The following ITFG2 variants were observed in gnomAD, a reference collection of about 807,000 sequenced individuals.
ITFG2 encodes the protein KICSTOR complex protein ITFG2.
A neutral mutation model predicts 54.4 loss-of-function variants in ITFG2; 36 were observed. The observed-to-expected ratio is 0.66, with a 90% CI of 0.51 to 0.87. The LOEUF (loss-of-function observed/expected upper bound fraction) is 0.87, where lower values mean the gene tolerates loss of function less well. ITFG2 is among the 40% of genes least tolerant of loss of function. ITFG2 has a pLI of 0.00. For synonymous variants in ITFG2, 211 were observed against 225.4 expected, an observed-to-expected ratio of 0.94 and a Z score of 0.57; for missense variants, 524 against 576.7, an observed-to-expected ratio of 0.91 and a Z score of 0.94.
chr12:2,849,590 A>G, intron 2 of ITFG2: 2 of 1,515,806 alleles, frequency 1.3e-6, no homozygotes, highest in Middle Eastern at 3.9e-4. Flanking sequence ...CAGTGGAGAG[A>G]CGGGGAAGGG....
chr12:2,827,213 G>C, downstream of ITFG2: 1 of 1,614,116 alleles, frequency 6.2e-7, no homozygotes, highest in Admixed American at 1.7e-5. This position sits in a 1 kb window ranked among gnomAD's most constrained non-coding sequence, Gnocchi z 4.0. Flanking sequence ...GCAGTCACTG[G>C]CCAGGCTCTT....
At chr12:2,856,852 C>A (rs981579194) in intron 2 of ITFG2, 9 of 685,686 alleles carry the variant, frequency 1.3e-5, no homozygotes, top group Non-Finnish European at 2.4e-5. Flanking sequence ...ATGTATGGGC[C>A]AGGCAGTCTG....
chr12:2,833,198 AC>A (rs2098012104), upstream of ITFG2, among the ~76,000 whole-genome samples: 1 of 151,822 alleles, frequency 6.6e-6, no homozygotes, highest in Non-Finnish European at 1.5e-5. Flanking sequence ...GGGACCTGCC[AC>A]TCCGGGATGG....
At chr12:2,856,859 T>C (rs1019974501) in intron 2 of ITFG2, 2 of 689,014 alleles carry the variant, frequency 2.9e-6, no homozygotes, top group Non-Finnish European at 5.3e-6. Flanking sequence ...GGCCAGGCAG[T>C]CTGCTGCCCA....
chr12:2,827,951 A>G (rs771367947), downstream of ITFG2: 19 of 1,614,076 alleles, frequency 1.2e-5, no homozygotes, highest in East Asian at 3.1e-4. The surrounding 1 kb of genome is among the most constrained non-coding windows in gnomAD (Gnocchi z 4.0). Flanking sequence ...AGCACACCAC[A>G]GTCTCCTGCC....
intron 2 of ITFG2, among the ~76,000 whole-genome samples, chr12:2,848,281 A>T (rs1045145257): frequency 6.6e-6 from 1 of 152,034 alleles, no homozygotes; most frequent in African/African-American, 2.4e-5. Flanking sequence ...GGAGGAGGTG[A>T]GGTAGGGCCC....
chr12:2,854,894 A>T (rs1205469029), intron 2 of ITFG2: 5 of 1,532,736 alleles, frequency 3.3e-6, no homozygotes, highest in Non-Finnish European at 3.5e-6. Flanking sequence ...GCACCGTCTT[A>T]CTTCTTGAAG....
intron 2 of ITFG2, chr12:2,857,220 CT>C: frequency 1.7e-6 from 1 of 601,612 alleles, no homozygotes; most frequent in Non-Finnish European, 3.0e-6. Context: ...GGGGATAGCA[CT>C]TTCTTCAAGT....
At chr12:2,854,006 C>T (rs564832606) in intron 2 of ITFG2, among the ~76,000 whole-genome samples, 9 of 152,264 alleles carry the variant, frequency 5.9e-5, no homozygotes, top group Non-Finnish European at 8.8e-5. Context: ...ATTTCTGTAA[C>T]GACATCTAAC....
intron 10 of ITFG2, 145 bp downstream of exon 10, chr12:2,823,056 C>A (rs1004392187): frequency 3.0e-6 from 2 of 660,330 alleles, no homozygotes; most frequent in Admixed American, 2.6e-5. Context: ...TTCTTCAGCT[C>A]TTTTGTTTGG....
Position 2,823,802 on chromosome 12 carries a change from C to T in ITFG2, c.1099C>T (p.Pro367Ser), listed in dbSNP as rs774646498. ...CGCCTGCAAAGAGGGCCGCAACAGCCCCTGCCTCGTATATGTCACTTTCAA... is the reference window on the plus strand; with the variant it reads ...CGCCTGCAAAGAGGGCCGCAACAGCTCCTGCCTCGTATATGTCACTTTCAA... ...LYACKEGRNS[P>S]CLVYVTFNQK... Residue 367 changes from proline (P) to serine (S), a missense_variant, in exon 11 of 12, where the codon CCC becomes TCC. Physicochemically the swap from Pro to Ser is moderately conservative, Grantham distance 74 (BLOSUM62 -1). Transcript: ENST00000228799. 2.5e-6 allele frequency: 4 copies of T among 1,592,472 alleles called. No individual in the cohort carries two copies. The East Asian group carries it at 9.0e-5, about 36-fold the overall frequency.
At chr12:2,813,037 G>A (rs1489801108) in intron 1 of ITFG2, 181 bp downstream of exon 1, 3 of 515,252 alleles carry the variant, frequency 5.8e-6, no homozygotes, top group Non-Finnish European at 1.0e-5. Context: ...TTGTTCCTTG[G>A]GAGGTTTTGT....
Position 2,824,291 on chromosome 12 carries a change from A to T in ITFG2, c.*98A>T. On this transcript the variant is annotated 3_prime_UTR_variant, in exon 12 of 12. Coordinates refer to ENST00000228799, the MANE Select transcript of ITFG2 (RefSeq NM_018463.4). ...TGGCAGGATAGGGAATATGCATTAC[A>T]GAAATGCAGGATTTGACTCTGGGCA... The T allele has an allele frequency of 2.4e-6, 3 of 1,236,040 alleles. No homozygotes were observed. The highest frequency in any genetic ancestry group is 1.2e-5 in the South Asian group (1 of 81,314). The allele number at this position is 1,236,040 out of a possible 1,614,324, so 76.6% of individuals were successfully genotyped here. A position where few individuals can be genotyped will look rare whatever the true frequency, so the allele number is the denominator to read the frequency against.
At position 2,824,384 on chromosome 12, in the gene ITFG2, AGACAAGTTGACC is replaced by A. The variant is rs2097957184; in HGVS notation, c.*192_*203del. ...CTCGCAGTCTTTTCGGTGAAAGAAG[AGACAAGTTGACC>A]CTCTGCCCATTTCCTTATGGACCTC... is the stretch of plus-strand genomic sequence containing the variant. On this transcript the variant is annotated 3_prime_UTR_variant, in exon 12 of 12. Coordinates refer to ENST00000228799, the MANE Select transcript of ITFG2 (RefSeq NM_018463.4). The A allele has an allele frequency of 1.4e-6, 1 of 689,740 alleles. No homozygotes were observed. The highest frequency in any genetic ancestry group is 1.8e-5 in the African/African-American group (1 of 56,912). The allele number at this position is 689,740 out of a possible 1,614,324, so 42.7% of individuals were successfully genotyped here. A position where few individuals can be genotyped will look rare whatever the true frequency, so the allele number is the denominator to read the frequency against.
intron 2 of ITFG2, chr12:2,817,691 G>A: frequency 3.8e-6 from 2 of 520,766 alleles, no homozygotes; most frequent in South Asian, 3.4e-5. Context: ...TTAAGTGCAG[G>A]TTGTCTTAAC....
At chr12:2,841,114 C>T (rs1444044335) in intron 2 of ITFG2, 1 of 152,692 alleles carries the variant, frequency 6.5e-6, no homozygotes, top group Non-Finnish European at 1.5e-5. Flanking sequence ...TGGCTAGTCA[C>T]TCACATCTGC....
chr12:2,813,312 A>G (rs1389586779), intron 1 of ITFG2, among the ~76,000 whole-genome samples: 1 of 152,226 alleles, frequency 6.6e-6, no homozygotes, highest in African/African-American at 2.4e-5. Context: ...ATAAATTACC[A>G]CAGGTCAAGC....
intron 2 of ITFG2, chr12:2,849,166 G>C: frequency 6.9e-7 from 1 of 1,450,014 alleles, no homozygotes; most frequent in East Asian, 2.5e-5. Context: ...TGCTGAAGGA[G>C]CATTGATTGA....
At chr12:2,823,718 A>T (rs1003401241) in intron 10 of ITFG2, 52 bp from the exon 11 acceptor site, 1 of 1,507,232 alleles carries the variant, frequency 6.6e-7, no homozygotes, top group Admixed American at 2.2e-5. Context: ...TCTGCCCCCC[A>T]CTGTCGGCAC....
Sources: allele counts gnomAD v4.1 joint callset (sites outside exome capture counted in the v4.1 genomes callset), GRCh38; gene constraint gnomAD v4.1.1; non-coding constraint Gnocchi (gnomAD v3.1); transcripts MANE v1.5; gene names NCBI Gene and HGNC (gene_info 2026-07-23, HGNC 2026-07-21).